The following PRKN variants were observed in gnomAD, a reference collection of about 807,000 sequenced individuals.
PRKN encodes parkin RBR E3 ubiquitin protein ligase, also known as E3 ubiquitin-protein ligase parkin.
A neutral mutation model predicts 59.5 loss-of-function variants in PRKN; 56 were observed. That is an observed-to-expected ratio of 0.94 (90% CI 0.76 to 1.18). The LOEUF (loss-of-function observed/expected upper bound fraction) is 1.18. Ranked by LOEUF, PRKN falls within the 50% of genes most tolerant of loss-of-function variation. The pLI is 0.00. For synonymous variants in PRKN, 250 were observed against 222.1 expected (o/e 1.13, Z -1.12); for missense variants, 657 against 596.4 (o/e 1.10, Z -1.06).
At chr6:161,717,214 C>T (rs569976158) in intron 7 of PRKN, among the ~76,000 whole-genome samples, 3 of 152,142 alleles carry the variant, frequency 2.0e-5, no homozygotes, top group South Asian at 2.1e-4. Context: ...AGTCCAACAT[C>T]GAGAGGAGGC....
Position 162,310,783 on chromosome 6 carries a change from CTT to C in PRKN, c.172-48020_172-48019del, listed in dbSNP as rs1158650124. Among the ~76,000 whole-genome samples, 7 of 150,948 alleles carry C rather than the reference CTT, an allele frequency of 4.6e-5. No individual in the cohort carries two copies. The East Asian group carries it at 1.4e-3, about 29-fold the overall frequency. On this transcript the variant is annotated intron_variant, in intron 2 of 11. Coordinates refer to ENST00000366898, the MANE Select transcript of PRKN (RefSeq NM_004562.3). ...TATAAAAAAAAGCAGCAATGGGAGA[CTT>C]TACAGTACTGGATACATGAAGGTTT...
intron 7 of PRKN, among the ~76,000 whole-genome samples, chr6:161,688,817 G>A (rs1310630979): frequency 6.6e-6 from 1 of 152,142 alleles, no homozygotes; most frequent in East Asian, 1.9e-4. Flanking sequence ...TGAAGCAAGG[G>A]CATCCCAACA....
rs534880173 is a variant in PRKN, at chr6:161,900,054, T to A, written c.734+73248A>T. 6.6e-4 allele frequency among the ~76,000 whole-genome samples: 100 copies of A among 152,052 alleles called. 2 individuals carry two copies. The highest frequency in any genetic ancestry group is 2.2e-3 in the African/African-American group (92 of 41,460). On this transcript the variant is annotated intron_variant, in intron 6 of 11. Coordinates refer to ENST00000366898, the MANE Select transcript of PRKN (RefSeq NM_004562.3). ...TGGACCTGGGAGGCAGAGGTTGCAGTGAGCTGAGATCATGCCACTTCACTC... is the reference window on the plus strand; with the variant it reads ...TGGACCTGGGAGGCAGAGGTTGCAGAGAGCTGAGATCATGCCACTTCACTC...
chr6:162,608,676 C>T (rs1387650214), intron 1 of PRKN, among the ~76,000 whole-genome samples: 1 of 152,174 alleles, frequency 6.6e-6, no homozygotes, highest in African/African-American at 2.4e-5. Context: ...TGTAAACATT[C>T]ATGACTTGAA....
At chr6:162,279,297 C>G (rs60261629) in intron 2 of PRKN, among the ~76,000 whole-genome samples, 10,357 of 151,096 alleles carry the variant, frequency 0.069, 486 homozygotes, top group Middle Eastern at 0.16. Context: ...GACATTGCAC[C>G]ATTGCACTCC....
chr6:161,631,907 A>G (rs1218044310), intron 7 of PRKN, among the ~76,000 whole-genome samples: 1 of 152,166 alleles, frequency 6.6e-6, no homozygotes, highest in African/African-American at 2.4e-5. Context: ...AATTTATCCC[A>G]TTTAGGACTG....
chr6:161,600,729 A>T (rs1469526142), intron 7 of PRKN, among the ~76,000 whole-genome samples: 1 of 152,076 alleles, frequency 6.6e-6, no homozygotes, highest in Non-Finnish European at 1.5e-5. Flanking sequence ...AAATGTTCTC[A>T]CCTACTAGAT....
intron 9 of PRKN, among the ~76,000 whole-genome samples, chr6:161,406,109 TATATATACAC>T (rs1787260186): frequency 6.6e-6 from 1 of 151,844 alleles, no homozygotes; most frequent in African/African-American, 2.4e-5. Flanking sequence ...TACATACGTA[TATATATACAC>T]ATATATACAC....
At position 161,473,453 on chromosome 6, in the gene PRKN, T is replaced by C. The variant is rs1455804354; in HGVS notation, c.1083+75401A>G. ...ACATGTATTAACCTGGAGGACATTA[T>C]GCTAAGTGAACTGAGCCAGACACAG... is the stretch of plus-strand genomic sequence containing the variant. On this transcript the variant is annotated intron_variant, in intron 9 of 11. Coordinates refer to ENST00000366898, the MANE Select transcript of PRKN (RefSeq NM_004562.3). The surrounding 1 kb of genome is among the most constrained non-coding windows in gnomAD (Gnocchi z 4.1). 6.6e-6 allele frequency among the ~76,000 whole-genome samples: 1 copy of C among 151,836 alleles called. No homozygotes were observed. The highest frequency in any genetic ancestry group is 1.5e-5 in the Non-Finnish European group (1 of 67,966).
At chr6:161,677,089 T>C (rs757469925) in intron 7 of PRKN, among the ~76,000 whole-genome samples, 1 of 152,346 alleles carries the variant, frequency 6.6e-6, no homozygotes, top group East Asian at 1.9e-4. Flanking sequence ...TTCCAAGTCA[T>C]AAAATGCCCC....
intron 3 of PRKN, among the ~76,000 whole-genome samples, chr6:162,223,638 CACACACACACACACACACACACA>C (rs201153665): frequency 0.039 from 4,374 of 110,786 alleles, 76 homozygotes; most frequent in East Asian, 0.21. Context: ...CACACACACA[CACACACACACACACACACACACA>C]AACATAATGC....
At chr6:162,031,938 G>A (rs1392529091) in intron 5 of PRKN, among the ~76,000 whole-genome samples, 2 of 152,196 alleles carry the variant, frequency 1.3e-5, no homozygotes, top group Admixed American at 6.5e-5. Flanking sequence ...CTGAAAGCTT[G>A]TTCTACTAAC....
chr6:162,061,476 T>C (rs1474680415), intron 4 of PRKN, among the ~76,000 whole-genome samples: 1 of 152,202 alleles, frequency 6.6e-6, no homozygotes, highest in Non-Finnish European at 1.5e-5. Flanking sequence ...TTTATCCTTT[T>C]TCTCAATTTC....
chr6:161,767,896 G>C (rs1462803213), intron 7 of PRKN, among the ~76,000 whole-genome samples: 1 of 152,088 alleles, frequency 6.6e-6, no homozygotes, highest in Non-Finnish European at 1.5e-5. Flanking sequence ...GGTATCCCTA[G>C]AGTATCCATG....
At chr6:162,718,590 G>A (rs1562522745) in intron 1 of PRKN, among the ~76,000 whole-genome samples, 1 of 152,062 alleles carries the variant, frequency 6.6e-6, no homozygotes, top group Non-Finnish European at 1.5e-5. Context: ...GCAGGCGCCT[G>A]TAGTCCCAGC....
intron 4 of PRKN, among the ~76,000 whole-genome samples, chr6:162,088,256 C>T (rs1220066274): frequency 6.6e-6 from 1 of 152,186 alleles, no homozygotes; most frequent in Non-Finnish European, 1.5e-5. Flanking sequence ...TTAGGGCACC[C>T]TGATGACCAA....
rs1275871918 is a variant in PRKN at position 162,683,847 on chromosome 6, AAAG to A, written c.7+43812_7+43814del. Among the ~76,000 whole-genome samples the A allele has an allele frequency of 5.9e-5, 9 of 152,164 alleles. No individual in the cohort carries two copies. In the South Asian group the frequency reaches 6.2e-4, roughly 11 times the overall value. On this transcript the variant is annotated intron_variant, in intron 1 of 11. Transcript: ENST00000366898. ...AAAATTTCTGGGAAAAAAAGGCAAGAAAGAAGAAAGAAATTCATTTGAAAAACT... is the reference window on the plus strand; with the variant it reads ...AAAATTTCTGGGAAAAAAAGGCAAGAAAGAAAGAAATTCATTTGAAAAACT...
chr6:162,097,663 C>T (rs924042972), intron 4 of PRKN, among the ~76,000 whole-genome samples: 3 of 152,190 alleles, frequency 2.0e-5, no homozygotes, highest in Non-Finnish European at 2.9e-5. Flanking sequence ...ACTAGGCATA[C>T]TTACTAGTAA....
intron 9 of PRKN, among the ~76,000 whole-genome samples, chr6:161,481,896 T>A (rs905558774): frequency 1.3e-5 from 2 of 148,774 alleles, no homozygotes; most frequent in East Asian, 4.0e-4. Context: ...AGAAAGGAAG[T>A]AAAGAAGGAA....
Sources: gnomAD v4.1 joint callset for allele counts (sites outside exome capture counted in the v4.1 genomes callset) on GRCh38, gnomAD v4.1.1 for gene constraint, Gnocchi (gnomAD v3.1) non-coding constraint, MANE v1.5 for transcripts, NCBI Gene and HGNC (gene_info 2026-07-23, HGNC 2026-07-21) for gene names.